GKAP1: variants seen among roughly 807,000 people sequenced by gnomAD.
GKAP1 encodes G kinase anchoring protein 1.
Under a neutral mutation model 56.7 loss-of-function variants are expected in GKAP1, and 31 were observed. The ratio of observed to expected loss-of-function variants is 0.55; its 90% CI spans 0.41 to 0.74. The LOEUF is 0.74. Ranked by LOEUF, GKAP1 falls within the 30% of genes least tolerant of loss-of-function variation. The pLI is 0.00. For missense variants in GKAP1, 364 were observed against 402.3 expected (o/e 0.90, Z 0.82); for synonymous variants, 151 against 138.6 (o/e 1.09, Z -0.63).
chr9:83,799,860 G>C (rs1156446383), intron 3 of GKAP1, among the ~76,000 whole-genome samples: 3 of 152,194 alleles, frequency 2.0e-5, no homozygotes, highest in African/African-American at 7.2e-5. Flanking sequence ...AGCTACCCAG[G>C]AGGCTGAGGT....
intron 8 of GKAP1, among the ~76,000 whole-genome samples, chr9:83,766,739 A>G (rs1022635237): frequency 6.6e-6 from 1 of 152,228 alleles, no homozygotes; most frequent in Non-Finnish European, 1.5e-5. Context: ...TGTCAAATTT[A>G]GAAAGAGATC....
chr9:83,763,758 G>C (rs1238029171), intron 8 of GKAP1, among the ~76,000 whole-genome samples: 2 of 152,040 alleles, frequency 1.3e-5, no homozygotes, highest in Non-Finnish European at 1.5e-5. Flanking sequence ...GCATACTGTG[G>C]AAAACATGTT....
chr9:83,811,735 A>C (rs1944508211), intron 2 of GKAP1, among the ~76,000 whole-genome samples: 1 of 152,208 alleles, frequency 6.6e-6, no homozygotes, highest in South Asian at 2.1e-4. Context: ...GTGCAAAAAG[A>C]GTAAGACAGT....
At chr9:83,795,450 C>T (rs904751621) in intron 4 of GKAP1, among the ~76,000 whole-genome samples, 2 of 152,044 alleles carry the variant, frequency 1.3e-5, no homozygotes, top group Non-Finnish European at 2.9e-5. Context: ...AGCTTAAATA[C>T]TCACCACTAG....
At chr9:83,785,041 C>T (rs186616168) in intron 5 of GKAP1, among the ~76,000 whole-genome samples, 2 of 152,064 alleles carry the variant, frequency 1.3e-5, no homozygotes, top group African/African-American at 2.4e-5. Flanking sequence ...AAAATGAAAA[C>T]AAAAAAAGTC....
At chr9:83,765,898 C>T (rs141211805) in intron 8 of GKAP1, among the ~76,000 whole-genome samples, 76 of 152,250 alleles carry the variant, frequency 5.0e-4, no homozygotes, top group African/African-American at 1.8e-3. Context: ...ACTTGGACTT[C>T]TGGGTTAATC....
intron 2 of GKAP1, among the ~76,000 whole-genome samples, chr9:83,809,359 C>T (rs71502720): frequency 0.071 from 10,832 of 152,238 alleles, 541 homozygotes; most frequent in Non-Finnish European, 0.11. Flanking sequence ...AAACCTCATC[C>T]GGTGCTCCTC....
intron 10 of GKAP1, 137 bp from the exon 11 acceptor site, chr9:83,742,737 T>C: frequency 1.9e-6 from 1 of 520,050 alleles, no homozygotes; most frequent in Non-Finnish European, 3.4e-6. Flanking sequence ...CTTCTTGACC[T>C]TGCATAGCTC....
chr9:83,788,735 A>C (rs1461388024), intron 4 of GKAP1, 57 bp from the exon 5 acceptor site: 1 of 976,540 alleles, frequency 1.0e-6, no homozygotes, highest in East Asian at 2.4e-5. Flanking sequence ...CATGAGCAAA[A>C]TAACCATACA....
rs181968608 is a variant in GKAP1, at chr9:83,749,473, C to T, written c.841-1101G>A. 1.2e-4 allele frequency among the ~76,000 whole-genome samples: 19 copies of T among 152,246 alleles called. 1 individual carries two copies. The East Asian group carries it at 2.9e-3, about 23-fold the overall frequency. On this transcript the variant is annotated intron_variant, in intron 9 of 12. Transcript: ENST00000376371. ...AACTCTTGACCTCAAGTGATCAACCCGCCTTGGCCTCCCCAAAGTGCTGGG... is the reference window on the plus strand; with the variant it reads ...AACTCTTGACCTCAAGTGATCAACCTGCCTTGGCCTCCCCAAAGTGCTGGG...
chr9:83,778,341 T>C (rs1943896698), intron 7 of GKAP1, among the ~76,000 whole-genome samples: 1 of 152,172 alleles, frequency 6.6e-6, no homozygotes, highest in South Asian at 2.1e-4. Flanking sequence ...GTGGTATATA[T>C]GCACCATGGA....
At chr9:83,766,329 T>C (rs1943662872) in intron 8 of GKAP1, among the ~76,000 whole-genome samples, 1 of 152,210 alleles carries the variant, frequency 6.6e-6, no homozygotes, top group South Asian at 2.1e-4. Context: ...GGGTATTTCT[T>C]CATAGCAGCA....
rs1944620302 is a variant in GKAP1 at position 83,817,059 on chromosome 9, C to T, written c.-107G>A. On this transcript the variant is annotated 5_prime_UTR_variant, in exon 2 of 13. Coordinates refer to ENST00000376371, the MANE Select transcript of GKAP1 (RefSeq NM_025211.4). ...GTTAACCGATGCTCCGAAACTTATT[C>T]GCAAAGTACATAGAGAAAGAAATTG... 1 of 152,166 alleles carries T rather than the reference C, an allele frequency of 6.6e-6. No individual in the cohort carries two copies. The highest frequency in any genetic ancestry group is 2.1e-4 in the South Asian group (1 of 4,826). The allele number at this position is 152,166 out of a possible 1,614,324, so 9.4% of individuals were successfully genotyped here.
At chr9:83,744,578 C>G (rs764284949) in intron 10 of GKAP1, among the ~76,000 whole-genome samples, 6 of 152,184 alleles carry the variant, frequency 3.9e-5, no homozygotes, top group Non-Finnish European at 8.8e-5. Flanking sequence ...ATGTGTAAAA[C>G]TGCGTTACTG....
intron 5 of GKAP1, among the ~76,000 whole-genome samples, chr9:83,785,560 T>C (rs549858316): frequency 6.6e-6 from 1 of 152,198 alleles, no homozygotes; most frequent in South Asian, 2.1e-4. Context: ...TGTGCACATC[T>C]GTCTAAGTTG....
At chr9:83,796,925 A>G (rs918223) in intron 4 of GKAP1, among the ~76,000 whole-genome samples, 83,174 of 152,058 alleles carry the variant, frequency 0.55, 23,670 homozygotes, top group Admixed American at 0.69. Flanking sequence ...CAAAACATAG[A>G]TGCTATCTAA....
At chr9:83,762,294 C>T (rs913294826) in intron 8 of GKAP1, among the ~76,000 whole-genome samples, 3 of 151,704 alleles carry the variant, frequency 2.0e-5, no homozygotes, top group African/African-American at 7.3e-5. Context: ...AAAAGTAATC[C>T]CATTTACTCC....
chr9:83,753,273 T>G lies in GKAP1; in HGVS notation c.825A>C (p.Val275=). ...KDAEIQKLKN[V]ITQWEAKYKE... ...GGACACAAACCTCCCATTGAGTGAT[T>G]ACATTTTTCAGCTTCTGGATTTCAG... Residue 275 remains valine, a synonymous_variant, in exon 9 of 13, where the codon GTA becomes GTC. Coordinates refer to ENST00000376371, the MANE Select transcript of GKAP1 (RefSeq NM_025211.4). 1 of 1,599,092 alleles carries G rather than the reference T, an allele frequency of 6.3e-7. No individual in the cohort carries two copies. The highest frequency in any genetic ancestry group is 8.6e-7 in the Non-Finnish European group (1 of 1,166,990).
intron 3 of GKAP1, among the ~76,000 whole-genome samples, chr9:83,802,647 ACTGTGACC>A (rs1944350163): frequency 6.6e-6 from 1 of 151,522 alleles, no homozygotes; most frequent in Non-Finnish European, 1.5e-5. Context: ...TGGGCAATGT[ACTGTGACC>A]CTGTCTCTAC....
Sources: gnomAD v4.1 joint callset for allele counts (sites outside exome capture counted in the v4.1 genomes callset) on GRCh38, gnomAD v4.1.1 for gene constraint, MANE v1.5 for transcripts, NCBI Gene and HGNC (gene_info 2026-07-23, HGNC 2026-07-21) for gene names.